SLC8A3: variants seen among roughly 807,000 people sequenced by gnomAD.
SLC8A3 encodes solute carrier family 8 member A3.
Under a neutral mutation model 65.4 loss-of-function variants are expected in SLC8A3, and 37 were observed. The ratio of observed to expected loss-of-function variants is 0.57; its 90% CI spans 0.44 to 0.74. The LOEUF (loss-of-function observed/expected upper bound fraction) is 0.74, where lower values mean the gene tolerates loss of function less well. Among genes scored for constraint, SLC8A3 ranks in the 30% least tolerant of loss-of-function variants. SLC8A3 has a pLI of 0.00. For missense variants in SLC8A3, 1,112 were observed against 1,172.1 expected, an observed-to-expected ratio of 0.95 and a Z score of 0.75; for synonymous variants, 461 against 444.5, an observed-to-expected ratio of 1.04 and a Z score of -0.47.
chr14:70,069,711 C>T (rs910343874), intron 2 of SLC8A3, among the ~76,000 whole-genome samples: 5 of 152,206 alleles, frequency 3.3e-5, no homozygotes, highest in Non-Finnish European at 5.9e-5. Context: ...TCCCTGACCC[C>T]TCTCCCAAGG....
In SLC8A3 at chr14:70,049,824, A is replaced by G. The variant is rs184192271; in HGVS notation, c.2114-782T>C. Among the ~76,000 whole-genome samples, 3 of 152,274 alleles carry G rather than the reference A, an allele frequency of 2.0e-5. No homozygotes were observed. In the East Asian group the frequency reaches 5.8e-4, roughly 30 times the overall value. ...TGAGGGATGGCTGTCATTCCAGATC[A>G]CGAGAATATACTGCAGAGCCAGTGC... On this transcript the variant is annotated intron_variant, in intron 5 of 6. Coordinates refer to ENST00000356921, the MANE Select transcript of SLC8A3 (RefSeq NM_182932.3).
intron 1 of SLC8A3, among the ~76,000 whole-genome samples, chr14:70,185,007 C>T (rs181418941): frequency 1.4e-3 from 205 of 149,110 alleles, no homozygotes; most frequent in African/African-American, 4.9e-3. Flanking sequence ...TGCTCTGTCG[C>T]CCAAGCTGGA....
At chr14:70,085,308 T>A (rs1891351355) in intron 2 of SLC8A3, among the ~76,000 whole-genome samples, 2 of 152,160 alleles carry the variant, frequency 1.3e-5, no homozygotes. Context: ...TAGTAATAAT[T>A]ATTATTATTT....
Position 70,166,698 on chromosome 14 carries a change from A to T in SLC8A3, c.1725T>A (p.Gly575=). Residue 575 remains glycine, a synonymous_variant, in exon 2 of 7, where the codon GGT becomes GGA. Coordinates refer to ENST00000356921, the MANE Select transcript of SLC8A3 (RefSeq NM_182932.3). The part of the protein sequence containing the change: ...PFRTVEGTAK[G]GGEDFEDTYG... ...ATGTGTCTTCAAAGTCCTCACCGCC[A>T]CCCTTGGCTGTCCCTTCTACTGTCC... 6.2e-7 allele frequency: 1 copy of T among 1,613,456 alleles called. No individual in the cohort carries two copies. Among genetic ancestry groups the T allele is most frequent in the Middle Eastern group, 1.7e-4 (1 of 6,056 alleles).
intron 2 of SLC8A3, among the ~76,000 whole-genome samples, chr14:70,164,817 T>C (rs1897080468): frequency 1.3e-5 from 2 of 152,202 alleles, no homozygotes; most frequent in Non-Finnish European, 2.9e-5. Context: ...GATAATCATG[T>C]GAAATTCCAT....
intron 2 of SLC8A3, among the ~76,000 whole-genome samples, chr14:70,067,799 A>G (rs1015244064): frequency 6.6e-6 from 1 of 152,212 alleles, no homozygotes; most frequent in Non-Finnish European, 1.5e-5. Context: ...AACCCAGGGT[A>G]TAACTTACTG....
At chr14:70,061,022 C>T (rs558587038) in intron 2 of SLC8A3, 83 bp from the exon 3 acceptor site, 49 of 660,454 alleles carry the variant, frequency 7.4e-5, no homozygotes, top group African/African-American at 6.1e-4. Context: ...TAAAATCATT[C>T]CCCGTCATTC....
At chr14:70,101,739 T>C (rs1017095595) in intron 2 of SLC8A3, among the ~76,000 whole-genome samples, 5 of 152,216 alleles carry the variant, frequency 3.3e-5, no homozygotes, top group African/African-American at 1.2e-4. Flanking sequence ...TTTCAGGTAT[T>C]GAACAGCAAA....
At chr14:70,052,321 G>A (rs1031929763) in intron 3 of SLC8A3, among the ~76,000 whole-genome samples, 5 of 152,166 alleles carry the variant, frequency 3.3e-5, no homozygotes, top group African/African-American at 4.8e-5. Flanking sequence ...TGGGATAAGC[G>A]TTCCTCTTTC....
chr14:70,170,785 T>C (rs1303697181), intron 1 of SLC8A3, among the ~76,000 whole-genome samples: 3 of 152,150 alleles, frequency 2.0e-5, no homozygotes, highest in Non-Finnish European at 4.4e-5. Flanking sequence ...ATTTACTTGG[T>C]TTAATCCCTA....
At chr14:70,061,064 G>T in intron 2 of SLC8A3, 125 bp from the exon 3 acceptor site, 1 of 572,654 alleles carries the variant, frequency 1.7e-6, no homozygotes, top group Non-Finnish European at 3.1e-6. Context: ...CACCATGGTG[G>T]CTTTCAACAG....
At chr14:70,079,206 A>G (rs1055098062) in intron 2 of SLC8A3, among the ~76,000 whole-genome samples, 1 of 151,900 alleles carries the variant, frequency 6.6e-6, no homozygotes, top group Non-Finnish European at 1.5e-5. Flanking sequence ...GAATGAGGCT[A>G]GGCACGGTAG....
At chr14:70,050,287 C>T (rs549819763) in intron 5 of SLC8A3, among the ~76,000 whole-genome samples, 6 of 152,260 alleles carry the variant, frequency 3.9e-5, no homozygotes, top group African/African-American at 1.2e-4. Context: ...ACCTCTCTTC[C>T]TGGCTGTCTT....
At chr14:70,096,394 T>C (rs781501479) in intron 2 of SLC8A3, among the ~76,000 whole-genome samples, 31 of 152,184 alleles carry the variant, frequency 2.0e-4, no homozygotes, top group Non-Finnish European at 3.4e-4. Context: ...ACACAAATCG[T>C]TGACAATGAA....
At chr14:70,109,905 G>C (rs1893165839) in intron 2 of SLC8A3, among the ~76,000 whole-genome samples, 1 of 152,132 alleles carries the variant, frequency 6.6e-6, no homozygotes, top group East Asian at 1.9e-4. Context: ...GTAGGATTAG[G>C]CTGCTCTGCA....
chr14:70,125,399 T>A (rs1159895799), intron 2 of SLC8A3, among the ~76,000 whole-genome samples: 4 of 152,060 alleles, frequency 2.6e-5, no homozygotes, highest in Non-Finnish European at 4.4e-5. Flanking sequence ...ATTATTTAGC[T>A]CCCAATTGTA....
At chr14:70,115,232 T>G (rs77786907) in intron 2 of SLC8A3, among the ~76,000 whole-genome samples, 5,123 of 152,248 alleles carry the variant, frequency 0.034, 292 homozygotes, top group African/African-American at 0.12. Flanking sequence ...GCACTCGATG[T>G]GCTTTCCCTG....
At chr14:70,154,423 C>CT (rs1201742236) in intron 2 of SLC8A3, among the ~76,000 whole-genome samples, 1 of 152,216 alleles carries the variant, frequency 6.6e-6, no homozygotes, top group Non-Finnish European at 1.5e-5. Context: ...AGAAATCACT[C>CT]TTAGAGGTTC....
intron 2 of SLC8A3, among the ~76,000 whole-genome samples, chr14:70,116,921 A>G (rs1893706503): frequency 6.6e-6 from 1 of 152,250 alleles, no homozygotes; most frequent in African/African-American, 2.4e-5. Context: ...ACAACATCTG[A>G]GTGTGATTCT....
Sources: gnomAD v4.1 joint callset for allele counts (sites outside exome capture counted in the v4.1 genomes callset) on GRCh38, gnomAD v4.1.1 for gene constraint, MANE v1.5 for transcripts, NCBI Gene and HGNC (gene_info 2026-07-23, HGNC 2026-07-21) for gene names.